The following SLC24A1 variants were observed in gnomAD, a reference collection of about 807,000 sequenced individuals.
SLC24A1 encodes solute carrier family 24 member 1, also known as sodium/potassium/calcium exchanger 1.
SLC24A1 carries 52 observed loss-of-function variants against 88.1 expected under a neutral mutation model. That is an observed-to-expected ratio of 0.59 (90% CI 0.47 to 0.74). The LOEUF (loss-of-function observed/expected upper bound fraction) is 0.74, where lower values mean the gene tolerates loss of function less well. SLC24A1 is among the 30% of genes least tolerant of loss of function. The pLI is 0.00. For missense variants in SLC24A1, 1,173 were observed against 1,363.3 expected, an observed-to-expected ratio of 0.86 and a Z score of 2.20; for synonymous variants, 455 against 498.0, an observed-to-expected ratio of 0.91 and a Z score of 1.15.
chr15:65,611,391 C>T, upstream of SLC24A1: 2 of 594,004 alleles, frequency 3.4e-6, no homozygotes, highest in Non-Finnish European at 6.0e-6. Flanking sequence ...GGGTTTCCTG[C>T]CGTGTCTCTC....
chr15:65,623,687 T>A (rs1161640069), intron 1 of SLC24A1, among the ~76,000 whole-genome samples: 3 of 152,102 alleles, frequency 2.0e-5, no homozygotes, highest in Non-Finnish European at 4.4e-5. Flanking sequence ...GAGGACTTGG[T>A]GGACTCCATA....
downstream of SLC24A1, among the ~76,000 whole-genome samples, chr15:65,657,450 G>A (rs1463000052): frequency 6.6e-6 from 1 of 151,954 alleles, no homozygotes; most frequent in Non-Finnish European, 1.5e-5. Context: ...GACCATCCTG[G>A]CTAACACGGT....
rs748047300 is a variant in SLC24A1, at chr15:65,644,441, GAGA to G, written c.2071_2073del (p.Lys691del). On this transcript the variant is annotated inframe_deletion, in exon 5 of 10. Coordinates refer to ENST00000261892, the MANE Select transcript of SLC24A1 (RefSeq NM_004727.3). ...CTCATTTGCAGTTCGCCTTGCCAAG[GAGA>G]AGGAGGAGGAGAGCTTGAATCAAGG... The G allele has an allele frequency of 2.0e-5, 32 of 1,593,132 alleles. No individual in the cohort carries two copies. In the South Asian group the frequency reaches 3.6e-4, roughly 18 times the overall value.
At chr15:65,618,127 A>G (rs2074207740), upstream of SLC24A1, among the ~76,000 whole-genome samples, 1 of 152,184 alleles carries the variant, frequency 6.6e-6, no homozygotes, top group South Asian at 2.1e-4. Flanking sequence ...GTGAAATATC[A>G]GCATTGTTGT....
Position 65,656,090 on chromosome 15 carries a change from C to A in SLC24A1, c.*2011C>A. 1 of 985,438 alleles carries A rather than the reference C, an allele frequency of 1.0e-6. No homozygotes were observed. The highest frequency in any genetic ancestry group is 1.2e-6 in the Non-Finnish European group (1 of 829,956). The allele number at this position is 985,438 out of a possible 1,614,324, so 61.0% of individuals were successfully genotyped here. A position where few individuals can be genotyped will look rare whatever the true frequency, so the allele number is the denominator to read the frequency against. On this transcript the variant is annotated 3_prime_UTR_variant, in exon 10 of 10. Coordinates refer to ENST00000261892, the MANE Select transcript of SLC24A1 (RefSeq NM_004727.3). ...CAATACCAAAATTCTGGGCACTAAC[C>A]TGGTGTCTGCAGCCCGTTCCCGTTA...
chr15:65,624,654 C>T lies in SLC24A1; in HGVS notation c.574C>T (p.Pro192Ser). Residue 192 changes from proline (P) to serine (S), a missense_variant, in exon 2 of 10, where the codon CCA becomes TCA. Transcript: ENST00000261892. ...GGAAAAGGTGAAGTATACTCCTTCC[C>T]CACGTGGTAGAAGAGTAGGCACTTA... ...VREKVKYTPSPRGRRVGTYVP... is the reference protein window; with the variant it reads ...VREKVKYTPSSRGRRVGTYVP... 1 of 1,595,706 alleles carries T rather than the reference C, an allele frequency of 6.3e-7. No individual in the cohort carries two copies. Among genetic ancestry groups the T allele is most frequent in the Non-Finnish European group, 8.5e-7 (1 of 1,171,044 alleles).
Position 65,655,705 on chromosome 15 carries a change from A to T in SLC24A1, c.*1626A>T. 1 of 985,458 alleles carries T rather than the reference A, an allele frequency of 1.0e-6. No individual in the cohort carries two copies. Among genetic ancestry groups the T allele is most frequent in the Non-Finnish European group, 1.2e-6 (1 of 829,922 alleles). 61.0% of individuals were successfully genotyped at this position (985,458 alleles called of 1,614,324 possible). On this transcript the variant is annotated 3_prime_UTR_variant, in exon 10 of 10. Coordinates refer to ENST00000261892, the MANE Select transcript of SLC24A1 (RefSeq NM_004727.3). ...GATAGGACGGATGTGATATGAAAAA[A>T]ACCCAAACATTTTGGCATTGAATGA...
chr15:65,611,461 A>C, exon 1 of SLC24A1: 1 of 485,488 alleles, frequency 2.1e-6, no homozygotes, highest in Non-Finnish European at 3.8e-6. Context: ...TGCCCCACTG[A>C]CCCATGGGCC....
intron 6 of SLC24A1, among the ~76,000 whole-genome samples, chr15:65,649,968 G>A (rs765213213): frequency 6.6e-6 from 1 of 152,228 alleles, no homozygotes; most frequent in Non-Finnish European, 1.5e-5. Flanking sequence ...TAGGGAGGAG[G>A]CTCTAGGCCA....
chr15:65,642,200 G>GT (rs1259889692), intron 4 of SLC24A1, among the ~76,000 whole-genome samples: 2 of 152,210 alleles, frequency 1.3e-5, no homozygotes, highest in African/African-American at 4.8e-5. Flanking sequence ...GCACATTTGT[G>GT]TTTTTGTATG....
At chr15:65,615,735 T>C (rs2074116814) in intron 2 of SLC24A1, among the ~76,000 whole-genome samples, 3 of 152,216 alleles carry the variant, frequency 2.0e-5, no homozygotes, top group Admixed American at 1.3e-4. Context: ...ATTTTAATTT[T>C]TTTTTAGTCA....
chr15:65,658,927 G>A (rs2075761508), downstream of SLC24A1, among the ~76,000 whole-genome samples: 1 of 152,118 alleles, frequency 6.6e-6, no homozygotes, highest in African/African-American at 2.4e-5. Flanking sequence ...TAAATATGCT[G>A]GTAGTGTTAG....
chr15:65,624,294 A>G lies in SLC24A1; in HGVS notation c.214A>G (p.Met72Val), dbSNP rs778220352. Residue 72 changes from methionine to valine, a missense_variant, in exon 2 of 10, where the codon ATG (methionine) becomes GTG (valine). By Grantham distance (21) the Met-to-Val change is conservative (BLOSUM62 1). Coordinates refer to ENST00000261892, the MANE Select transcript of SLC24A1 (RefSeq NM_004727.3). ...CAGTCGGGACCTCTCCAGTGAAGAG[A>G]TGATGATGATGAGCAGCAGCCCTTC... ...LASRDLSSEE[M>V]MMMSSSPSKP... The G allele has an allele frequency of 2.5e-6, 4 of 1,612,930 alleles. No homozygotes were observed. The highest frequency in any genetic ancestry group is 3.4e-6 in the Non-Finnish European group (4 of 1,179,304).
chr15:65,636,860 AAATAAT>A (rs59545207), intron 2 of SLC24A1, among the ~76,000 whole-genome samples: 2,303 of 143,308 alleles, frequency 0.016, 25 homozygotes, highest in East Asian at 0.041. Flanking sequence ...CTCTGTCTCA[AAATAAT>A]AATAATAATA....
At position 65,650,581 on chromosome 15, in the gene SLC24A1, A is replaced by T; in HGVS notation, c.2432A>T (p.Glu811Val). The T allele has an allele frequency of 1.9e-6, 3 of 1,551,936 alleles. No individual in the cohort carries two copies. Among genetic ancestry groups the T allele is most frequent in the Non-Finnish European group, 2.6e-6 (3 of 1,146,984 alleles). ...EGKGDNEGED[E>V]GEIHAEDGEM... is the part of the protein sequence containing the mutation. ...AAAGGAGACAATGAAGGTGAAGATG[A>T]GGGTGAAATCCACGCAGAAGATGGT... is the stretch of plus-strand genomic sequence containing the variant. Residue 811 changes from glutamate to valine, a missense_variant, in exon 7 of 10, where the codon GAG (glutamate) becomes GTG (valine). Physicochemically the swap from Glu to Val is moderately radical, Grantham distance 121. Transcript: ENST00000261892. This position sits in a 1 kb window ranked among gnomAD's most constrained non-coding sequence, Gnocchi z 4.1.
upstream of SLC24A1, among the ~76,000 whole-genome samples, chr15:65,619,542 TA>T (rs1005672321): frequency 4.6e-3 from 659 of 141,776 alleles, no homozygotes; most frequent in African/African-American, 3.9e-3. Flanking sequence ...TCTGCCAGAT[TA>T]AAAAAAAAAA....
chr15:65,651,544 T>C lies in SLC24A1; in HGVS notation c.2794-126T>C, dbSNP rs367650914. The stretch of plus-strand genomic sequence containing the variant: ...CTGGAGAGAGAGCTCTCAGGTCAAA[T>C]GTCTCCATTTTGCCTCCATCACTCT... On this transcript the variant is annotated intron_variant, in intron 7 of 9. Coordinates refer to ENST00000261892, the MANE Select transcript of SLC24A1 (RefSeq NM_004727.3). 134 of 652,520 alleles carry C rather than the reference T, an allele frequency of 2.1e-4. 2 individuals carry two copies. The African/African-American group carries it at 2.2e-3, about 11-fold the overall frequency. The allele number at this position is 652,520 out of a possible 1,614,324, so 40.4% of individuals were successfully genotyped here. A position where few individuals can be genotyped will look rare whatever the true frequency, so the allele number is the denominator to read the frequency against.
At chr15:65,659,322 G>GTTTTTT (rs869058369), downstream of SLC24A1, 6 of 71,592 alleles carry the variant, frequency 8.4e-5, no homozygotes, top group South Asian at 1.0e-3. Context: ...ATATTTTCTG[G>GTTTTTT]TTTTTTTTTT....
At chr15:65,612,252 A>T (rs1007707995) in intron 1 of SLC24A1, 4 of 152,308 alleles carry the variant, frequency 2.6e-5, no homozygotes, top group African/African-American at 9.6e-5. Context: ...CTGGGTAGTT[A>T]CGGTTCAAAG....
Sources: gnomAD v4.1 joint callset for allele counts (sites outside exome capture counted in the v4.1 genomes callset) on GRCh38, gnomAD v4.1.1 for gene constraint, Gnocchi (gnomAD v3.1) non-coding constraint, MANE v1.5 for transcripts, NCBI Gene and HGNC (gene_info 2026-07-23, HGNC 2026-07-21) for gene names.